BRWD1: variants seen among roughly 807,000 people sequenced by gnomAD.
BRWD1 encodes bromodomain and WD repeat-containing protein 1.
In BRWD1, 82 loss-of-function variants were observed where a neutral mutation model predicts 251.2. The observed-to-expected ratio is 0.33, with a 90% CI of 0.27 to 0.39. The LOEUF (loss-of-function observed/expected upper bound fraction) is 0.39, where lower values mean the gene tolerates loss of function less well. Among genes scored for constraint, BRWD1 ranks in the 10% least tolerant of loss-of-function variants. BRWD1 has a pLI of 1.00. For synonymous variants in BRWD1, 918 were observed against 902.8 expected (o/e 1.02, Z -0.30); for missense variants, 2,233 against 2,711.6 (o/e 0.82, Z 3.92).
At position 39,193,628 on chromosome 21, in the gene BRWD1, T is replaced by C. The variant is rs2031665438; in HGVS notation, c.*2631A>G. The C allele has an allele frequency of 1.0e-6, 1 of 985,428 alleles. No homozygotes were observed. 61.0% of individuals were successfully genotyped at this position (985,428 alleles called of 1,614,324 possible). A position where few individuals can be genotyped will look rare whatever the true frequency, so the allele number is the denominator to read the frequency against. Reference sequence around the variant, plus strand: ...TAGTTTTTGTTTTTCACATACACCATTAAGTTGAACTTCAAGTGCAGTGGA... The same window carrying C: ...TAGTTTTTGTTTTTCACATACACCACTAAGTTGAACTTCAAGTGCAGTGGA... On this transcript the variant is annotated 3_prime_UTR_variant, in exon 41 of 41. Transcript: ENST00000342449.
chr21:39,268,908 A>T (rs2035013522), intron 15 of BRWD1, among the ~76,000 whole-genome samples: 1 of 152,206 alleles, frequency 6.6e-6, no homozygotes, highest in Non-Finnish European at 1.5e-5. Context: ...GAATAGCGTG[A>T]ACCCGGGAGG....
At chr21:39,184,978 A>T (rs1391574419), downstream of BRWD1, 1 of 152,182 alleles carries the variant, frequency 6.6e-6, no homozygotes, top group East Asian at 1.9e-4. Flanking sequence ...TCCATGATGA[A>T]GAAATATTTT....
At chr21:39,312,313 C>T (rs937372752) in intron 4 of BRWD1, among the ~76,000 whole-genome samples, 1 of 152,234 alleles carries the variant, frequency 6.6e-6, no homozygotes, top group African/African-American at 2.4e-5. Flanking sequence ...ACTACAGTGG[C>T]ATATTCATAC....
At chr21:39,249,948 GTGTGTGTGTA>G (rs1384634563) in intron 20 of BRWD1, among the ~76,000 whole-genome samples, 1 of 137,296 alleles carries the variant, frequency 7.3e-6, no homozygotes, top group African/African-American at 2.6e-5. Flanking sequence ...GTGTGTGTGT[GTGTGTGTGTA>G]TACACACACA....
At position 39,186,425 on chromosome 21, in the gene BRWD1, A is replaced by G. The variant is rs1317379455; in HGVS notation, c.*9834T>C. 6.6e-6 allele frequency: 1 copy of G among 152,216 alleles called. No homozygotes were observed. The highest frequency in any genetic ancestry group is 2.4e-5 in the African/African-American group (1 of 41,440). 9.4% of individuals were successfully genotyped at this position (152,216 alleles called of 1,614,324 possible). Reference sequence around the variant, plus strand: ...TTTCCAACACTCTACTTCAGAACTCAATAATCAGTATCTCCAGCTGAAATT... The same window carrying G: ...TTTCCAACACTCTACTTCAGAACTCGATAATCAGTATCTCCAGCTGAAATT... On this transcript the variant is annotated 3_prime_UTR_variant, in exon 41 of 41. Transcript: ENST00000342449.
chr21:39,215,101 C>A, intron 32 of BRWD1, 136 bp downstream of exon 32: 2 of 765,166 alleles, frequency 2.6e-6, no homozygotes, highest in Admixed American at 5.0e-5. Flanking sequence ...AATGCCTGAC[C>A]GCAAGTGATC....
At chr21:39,247,977 G>T in intron 20 of BRWD1, 145 bp from the exon 21 acceptor site, 1 of 961,726 alleles carries the variant, frequency 1.0e-6, no homozygotes, top group Non-Finnish European at 1.4e-6. Context: ...TTGCCATACA[G>T]TTTTAACTCA....
intron 21 of BRWD1, among the ~76,000 whole-genome samples, chr21:39,240,479 G>A (rs1384031599): frequency 6.6e-6 from 1 of 152,178 alleles, no homozygotes; most frequent in African/African-American, 2.4e-5. Context: ...GGGCCATAGG[G>A]CAAGACCCTG....
chr21:39,290,531 GT>G (rs1232980620), intron 8 of BRWD1, among the ~76,000 whole-genome samples: 2 of 151,262 alleles, frequency 1.3e-5, no homozygotes, highest in Non-Finnish European at 2.9e-5. Flanking sequence ...CAATTAGATT[GT>G]TCAGATATAT....
chr21:39,248,667 A>C (rs1164056282), intron 20 of BRWD1, among the ~76,000 whole-genome samples: 31 of 141,272 alleles, frequency 2.2e-4, no homozygotes, highest in Middle Eastern at 3.6e-3. Flanking sequence ...AAAAAAAAAA[A>C]AAAAAAAAAA....
intron 25 of BRWD1, among the ~76,000 whole-genome samples, chr21:39,229,786 G>C (rs990725687): frequency 6.6e-6 from 1 of 152,004 alleles, no homozygotes; most frequent in Non-Finnish European, 1.5e-5. Flanking sequence ...TAGGCTGGAG[G>C]GCAGTAGCAC....
chr21:39,262,098 T>C (rs1258765321), intron 17 of BRWD1, among the ~76,000 whole-genome samples: 1 of 152,178 alleles, frequency 6.6e-6, no homozygotes, highest in Non-Finnish European at 1.5e-5. Context: ...GAGAAAAGAA[T>C]TATTTCATCC....
chr21:39,304,660 G>A (rs564027995), intron 4 of BRWD1, among the ~76,000 whole-genome samples: 42 of 151,810 alleles, frequency 2.8e-4, no homozygotes, highest in Non-Finnish European at 5.7e-4. Flanking sequence ...CTAAAAGAAT[G>A]CACATAAAAC....
rs1170703112 is a variant in BRWD1, at chr21:39,313,367, GGGGGAGCCC to G, written c.49+67_50-69del. The G allele has an allele frequency of 5.2e-5, 76 of 1,474,890 alleles. No individual in the cohort carries two copies. The East Asian group carries it at 8.1e-4, about 16-fold the overall frequency. 91.4% of individuals were successfully genotyped at this position (1,474,890 alleles called of 1,614,324 possible). A position where few individuals can be genotyped will look rare whatever the true frequency, so the allele number is the denominator to read the frequency against. On this transcript the variant is annotated intron_variant, in intron 1 of 40. Transcript: ENST00000342449. ...GGAGGGGGACGGGGCCAGGGGAGCC[GGGGGAGCCC>G]GGGGAGCCGGGGAAGCCGAAGCAGC...
rs761680619 is a variant in BRWD1, at chr21:39,197,188, T to A, written c.5881A>T (p.Arg1961Trp). ...ENVHTRSKNG[R>W]KKPLHLACTT... is the part of the protein sequence containing the mutation. ...CAAGCAAGATGGAGAGGTTTTTTCC[T>A]TCCATTTTTGCTTCTAGTGTGCACA... Residue 1961 changes from arginine (R) to tryptophan (W), a missense_variant, in exon 41 of 41, where the codon AGG becomes TGG. Coordinates refer to ENST00000342449, the MANE Select transcript of BRWD1 (RefSeq NM_033656.4). 2 of 1,614,138 alleles carry A rather than the reference T, an allele frequency of 1.2e-6. No individual in the cohort carries two copies. The highest frequency in any genetic ancestry group is 1.7e-6 in the Non-Finnish European group (2 of 1,179,960).
At chr21:39,295,676 T>C (rs773009625) in intron 7 of BRWD1, 67 bp downstream of exon 7, 21 of 1,245,088 alleles carry the variant, frequency 1.7e-5, no homozygotes, top group Admixed American at 7.8e-5. Flanking sequence ...TAAGATTTCC[T>C]AGATGATTCT....
Position 39,200,299 on chromosome 21 carries a change from C to T in BRWD1, c.4673G>A (p.Arg1558His), listed in dbSNP as rs867947724. The T allele has an allele frequency of 1.1e-5, 17 of 1,613,964 alleles. No homozygotes were observed. Among genetic ancestry groups the T allele is most frequent in the Middle Eastern group, 1.6e-4 (1 of 6,080 alleles). Residue 1558 changes from arginine (R) to histidine (H), a missense_variant, in exon 39 of 41, where the codon CGT becomes CAT. Arg to His is a conservative substitution (Grantham distance 29). This residue lies in a region of BRWD1 where 928 missense variants were observed against 970.0 expected (regional missense o/e 0.96). Coordinates refer to ENST00000342449, the MANE Select transcript of BRWD1 (RefSeq NM_033656.4). ...SEESKESSRARESSSRSGLSR... is the reference protein window; with the variant it reads ...SEESKESSRAHESSSRSGLSR... ...TAGCCCACTGCGTGAGGAGGATTCA[C>T]GAGCTCTGGAACTCTCTTTGCTTTC...
chr21:39,219,819 A>G (rs1233981439), intron 29 of BRWD1: 1 of 152,238 alleles, frequency 6.6e-6, no homozygotes, highest in Admixed American at 6.5e-5. Flanking sequence ...CTATAAGCTT[A>G]TAATTCATGT....
At chr21:39,300,429 A>G (rs1044359595) in intron 4 of BRWD1, among the ~76,000 whole-genome samples, 2 of 152,234 alleles carry the variant, frequency 1.3e-5, no homozygotes, top group Non-Finnish European at 2.9e-5. Context: ...TGGCAACTCC[A>G]GTGTAAAAAA....
Sources: allele counts gnomAD v4.1 joint callset (sites outside exome capture counted in the v4.1 genomes callset), GRCh38; gene constraint gnomAD v4.1.1; regional missense constraint gnomAD v4.1.1; transcripts MANE v1.5; gene names NCBI Gene and HGNC (gene_info 2026-07-23, HGNC 2026-07-21).